SUGCT: variants seen among roughly 807,000 people sequenced by gnomAD.
The protein encoded by SUGCT is succinyl-CoA:glutarate-CoA transferase.
In SUGCT, 41 loss-of-function variants were observed where a neutral mutation model predicts 55.0. The ratio of observed to expected loss-of-function variants is 0.74; its 90% CI spans 0.58 to 0.97. The LOEUF (loss-of-function observed/expected upper bound fraction) is 0.97, where lower values mean the gene tolerates loss of function less well. SUGCT is among the 50% of genes least tolerant of loss of function. SUGCT has a pLI of 0.00. For synonymous variants in SUGCT, 187 were observed against 200.4 expected, an observed-to-expected ratio of 0.93 and a Z score of 0.56; for missense variants, 568 against 547.8, an observed-to-expected ratio of 1.04 and a Z score of -0.37.
chr7:40,183,923 C>T (rs1172815029), intron 3 of SUGCT, among the ~76,000 whole-genome samples: 1 of 152,054 alleles, frequency 6.6e-6, no homozygotes. Context: ...CCTGTAGTCC[C>T]AACATTTTGG....
At chr7:40,254,735 T>C (rs1157526667) in intron 7 of SUGCT, among the ~76,000 whole-genome samples, 1 of 151,884 alleles carries the variant, frequency 6.6e-6, no homozygotes, top group Non-Finnish European at 1.5e-5. Flanking sequence ...CAATCTTCTG[T>C]AGTTTAAAAT....
chr7:40,650,630 TA>T lies in SUGCT; in HGVS notation c.1090-98803del, dbSNP rs113716253. Among the ~76,000 whole-genome samples, 681 of 152,330 alleles carry T rather than the reference TA, an allele frequency of 4.5e-3. 5 individuals are homozygous for T. The highest frequency in any genetic ancestry group is 0.015 in the African/African-American group (619 of 41,580). On this transcript the variant is annotated intron_variant, in intron 12 of 13. Coordinates refer to ENST00000335693, the MANE Select transcript of SUGCT (RefSeq NM_001193313.2). ...TACTCCTCCATTTTCATTTGGTATT[TA>T]GTGTTGCAAAGGATATTGCTAAGAA...
chr7:41,006,241 C>T, the SUGCT span, among the ~76,000 whole-genome samples: 4 of 152,150 alleles, frequency 2.6e-5, no homozygotes, highest in South Asian at 8.3e-4. Context: ...TTATTGCCAA[C>T]CATAGAGAAT....
chr7:40,580,144 C>G (rs1245932234), intron 12 of SUGCT, among the ~76,000 whole-genome samples: 1 of 152,018 alleles, frequency 6.6e-6, no homozygotes, highest in Non-Finnish European at 1.5e-5. Flanking sequence ...AAAGAGAAAT[C>G]CATTACGTGA....
intron 8 of SUGCT, among the ~76,000 whole-genome samples, chr7:40,280,189 C>T (rs1362188344): frequency 6.6e-6 from 1 of 152,082 alleles, no homozygotes; most frequent in Non-Finnish European, 1.5e-5. Context: ...ATGACAATTG[C>T]CAGGATGTGG....
At chr7:40,646,262 G>A (rs1389159635) in intron 12 of SUGCT, among the ~76,000 whole-genome samples, 1 of 151,978 alleles carries the variant, frequency 6.6e-6, no homozygotes, top group Non-Finnish European at 1.5e-5. Flanking sequence ...TGCTTCACTT[G>A]GGACTCCTCA....
intron 6 of SUGCT, among the ~76,000 whole-genome samples, chr7:40,229,637 A>AC (rs1202283792): frequency 6.6e-6 from 1 of 151,644 alleles, no homozygotes; most frequent in Non-Finnish European, 1.5e-5. Flanking sequence ...ACATGGTGAA[A>AC]CCTCATCTCT....
chr7:40,405,383 C>T (rs907091249), intron 9 of SUGCT, among the ~76,000 whole-genome samples: 2 of 152,086 alleles, frequency 1.3e-5, no homozygotes, highest in Non-Finnish European at 2.9e-5. Flanking sequence ...TTTTCTTTTT[C>T]TTTACCGCTA....
At chr7:40,542,385 G>A (rs1033617038) in intron 12 of SUGCT, among the ~76,000 whole-genome samples, 8 of 152,094 alleles carry the variant, frequency 5.3e-5, no homozygotes, top group Non-Finnish European at 8.8e-5. Context: ...TTTCTCCAGG[G>A]ATACCTCACA....
chr7:40,796,731 A>C (rs780279338), intron 13 of SUGCT, among the ~76,000 whole-genome samples: 1 of 152,200 alleles, frequency 6.6e-6, no homozygotes, highest in African/African-American at 2.4e-5. Context: ...ATTGCCTTCT[A>C]TATCAGGTGT....
chr7:40,908,826 C>T, the SUGCT span, among the ~76,000 whole-genome samples: 4 of 152,060 alleles, frequency 2.6e-5, no homozygotes, highest in Non-Finnish European at 4.4e-5. Flanking sequence ...AGCATGATGA[C>T]TTAGTAAAGA....
chr7:40,365,206 T>G (rs1481008001), intron 9 of SUGCT, among the ~76,000 whole-genome samples: 1 of 152,132 alleles, frequency 6.6e-6, no homozygotes, highest in East Asian at 1.9e-4. Context: ...TTGACAAAAT[T>G]TAACAACTCT....
chr7:40,788,416 C>T (rs1459271611), intron 13 of SUGCT, among the ~76,000 whole-genome samples: 5 of 152,110 alleles, frequency 3.3e-5, no homozygotes, highest in Non-Finnish European at 7.4e-5. Context: ...ACTGCACAGA[C>T]GTTGGAATTA....
At chr7:41,028,013 A>AT in the SUGCT span, among the ~76,000 whole-genome samples, 1 of 152,148 alleles carries the variant, frequency 6.6e-6, no homozygotes, top group African/African-American at 2.4e-5. Context: ...TTCTTCATAG[A>AT]TTTTAAGGAT....
At chr7:40,780,539 C>T (rs1350558239) in intron 13 of SUGCT, among the ~76,000 whole-genome samples, 3 of 152,190 alleles carry the variant, frequency 2.0e-5, no homozygotes, top group African/African-American at 4.8e-5. Flanking sequence ...GGGGCTAGGG[C>T]CACATAACCC....
chr7:40,279,097 A>G (rs1251296379), intron 8 of SUGCT, among the ~76,000 whole-genome samples: 1 of 151,358 alleles, frequency 6.6e-6, no homozygotes, highest in African/African-American at 2.4e-5. Context: ...TTGGCCTGCC[A>G]ACATGTTGGT....
At chr7:40,200,865 G>T (rs1317035734) in intron 6 of SUGCT, among the ~76,000 whole-genome samples, 1 of 152,088 alleles carries the variant, frequency 6.6e-6, no homozygotes. Flanking sequence ...ATTATTAAAG[G>T]CCCTCATAGT....
chr7:41,004,020 C>G, the SUGCT span, among the ~76,000 whole-genome samples: 2 of 152,164 alleles, frequency 1.3e-5, no homozygotes, highest in East Asian at 3.9e-4. Context: ...GGTACATTTT[C>G]CAAGATCCAC....
chr7:40,889,878 A>G, the SUGCT span, among the ~76,000 whole-genome samples: 1 of 152,034 alleles, frequency 6.6e-6, no homozygotes, highest in Admixed American at 6.6e-5. Flanking sequence ...TAGTCCCACA[A>G]CTCAGATTCT....
Sources: allele counts gnomAD v4.1 joint callset (sites outside exome capture counted in the v4.1 genomes callset), GRCh38; gene constraint gnomAD v4.1.1; transcripts MANE v1.5; gene names NCBI Gene and HGNC (gene_info 2026-07-23, HGNC 2026-07-21).